PACRG: variants seen among roughly 807,000 people sequenced by gnomAD.
The protein encoded by PACRG is parkin coregulated gene protein.
A neutral mutation model predicts 29.7 loss-of-function variants in PACRG; 29 were observed. That is an observed-to-expected ratio of 0.98 (90% confidence interval 0.73 to 1.33). The LOEUF is 1.33. PACRG is among the 40% of genes most tolerant of loss of function. The probability of loss-of-function intolerance (pLI) is 0.00; values close to 1 mark genes in which losing one functional copy is unlikely to be tolerated. For missense variants in PACRG, 279 were observed against 316.2 expected (o/e 0.88, Z 0.89); for synonymous variants, 116 against 118.7 (o/e 0.98, Z 0.15).
chr6:162,930,840 G>T (rs1440111308), intron 2 of PACRG, among the ~76,000 whole-genome samples: 1 of 151,510 alleles, frequency 6.6e-6, no homozygotes, highest in Non-Finnish European at 1.5e-5. Context: ...TATCTACATG[G>T]TTTTTTTCTT....
chr6:163,050,829 G>A (rs1809925765), intron 2 of PACRG, among the ~76,000 whole-genome samples: 1 of 151,998 alleles, frequency 6.6e-6, no homozygotes, highest in African/African-American at 2.4e-5. Flanking sequence ...CCTTGACTTT[G>A]GAGTTTCATA....
At chr6:163,202,699 C>T (rs1264053537) in intron 4 of PACRG, among the ~76,000 whole-genome samples, 1 of 152,156 alleles carries the variant, frequency 6.6e-6, no homozygotes, top group African/African-American at 2.4e-5. Context: ...TGGATTGATT[C>T]CTTGCTTGCA....
chr6:162,899,477 C>T (rs1436216883), intron 2 of PACRG, among the ~76,000 whole-genome samples: 3 of 152,138 alleles, frequency 2.0e-5, no homozygotes, highest in Non-Finnish European at 4.4e-5. Context: ...CGTGCCGGAC[C>T]TTCTGAGTGA....
At chr6:163,276,576 C>G (rs984964608) in intron 4 of PACRG, among the ~76,000 whole-genome samples, 5 of 152,176 alleles carry the variant, frequency 3.3e-5, no homozygotes, top group South Asian at 4.2e-4. Flanking sequence ...TGTGGGTTGC[C>G]GTGGTCGGAA....
chr6:162,954,787 C>A (rs1799900155), intron 2 of PACRG, among the ~76,000 whole-genome samples: 1 of 152,122 alleles, frequency 6.6e-6, no homozygotes, highest in South Asian at 2.1e-4. Context: ...AGTGTTATAG[C>A]AAGTGTATTT....
chr6:162,979,880 C>G (rs1802262724), intron 2 of PACRG, among the ~76,000 whole-genome samples: 1 of 151,816 alleles, frequency 6.6e-6, no homozygotes, highest in South Asian at 2.1e-4. Context: ...AAAATAAATT[C>G]ACAGGTATTA....
intron 2 of PACRG, among the ~76,000 whole-genome samples, chr6:163,025,355 G>A (rs1807025036): frequency 6.6e-6 from 1 of 152,136 alleles, no homozygotes. Flanking sequence ...TCTGCTAAAA[G>A]GCCCCTAGAA....
intron 2 of PACRG, among the ~76,000 whole-genome samples, chr6:163,017,928 G>A (rs1029004793): frequency 5.9e-5 from 9 of 152,038 alleles, no homozygotes; most frequent in African/African-American, 1.9e-4. Flanking sequence ...GTATGAGTAA[G>A]ACTCAAATTC....
At chr6:163,037,706 G>A (rs1203863386) in intron 2 of PACRG, among the ~76,000 whole-genome samples, 4 of 152,156 alleles carry the variant, frequency 2.6e-5, no homozygotes, top group African/African-American at 7.2e-5. Context: ...AGTCGTCTCC[G>A]GTTACCTACA....
intron 2 of PACRG, among the ~76,000 whole-genome samples, chr6:162,986,079 G>T (rs540576641): frequency 4.9e-4 from 74 of 152,174 alleles, no homozygotes; most frequent in African/African-American, 1.4e-3. Flanking sequence ...CAAGCAAATG[G>T]AAACACATCC....
At chr6:163,239,992 A>C in intron 4 of PACRG, among the ~76,000 whole-genome samples, 4 of 131,814 alleles carry the variant, frequency 3.0e-5, no homozygotes, top group Admixed American at 7.7e-5. Context: ...ATACACACAC[A>C]CTCACACCCC....
At chr6:162,818,158 C>T (rs1787520770) in intron 2 of PACRG, among the ~76,000 whole-genome samples, 1 of 152,052 alleles carries the variant, frequency 6.6e-6, no homozygotes, top group Non-Finnish European at 1.5e-5. Flanking sequence ...TTCCTTGACC[C>T]CTCTAACATT....
chr6:162,732,317 A>T (rs2128249229), intron 1 of PACRG, among the ~76,000 whole-genome samples: 1 of 152,276 alleles, frequency 6.6e-6, no homozygotes, highest in East Asian at 1.9e-4. Context: ...AGCAATCTGC[A>T]AGAATGAGGC....
intron 2 of PACRG, among the ~76,000 whole-genome samples, chr6:162,945,469 G>A (rs189615613): frequency 4.6e-5 from 7 of 152,148 alleles, no homozygotes; most frequent in Admixed American, 3.3e-4. Context: ...TTAAACATAT[G>A]TGCACCCACC....
intron 2 of PACRG, among the ~76,000 whole-genome samples, chr6:162,836,436 A>C (rs967349199): frequency 4.6e-5 from 7 of 152,024 alleles, no homozygotes; most frequent in African/African-American, 1.7e-4. Flanking sequence ...AGGTAGGAAC[A>C]CCTATCTGAA....
chr6:162,810,457 A>G (rs1786757222), intron 1 of PACRG, among the ~76,000 whole-genome samples: 1 of 152,220 alleles, frequency 6.6e-6, no homozygotes, highest in South Asian at 2.1e-4. Flanking sequence ...TATAATCAAC[A>G]GGTGCCAACA....
intron 2 of PACRG, chr6:162,892,108 GTTGTTA>G (rs1478677458): frequency 6.6e-6 from 1 of 152,306 alleles, no homozygotes; most frequent in Non-Finnish European, 1.5e-5. Flanking sequence ...TCCAGGCTAT[GTTGTTA>G]CTGTCCCAGT....
In PACRG at chr6:163,247,174, A is replaced by G. The variant is rs1227014372; in HGVS notation, c.614-67653A>G. On this transcript the variant is annotated intron_variant, in intron 4 of 4. Coordinates refer to ENST00000366888, the MANE Select transcript of PACRG (RefSeq NM_001080379.2). ...AGAAGGTTTACCTAATAACATAACC[A>G]GCATTTTTTATTGCTAAGAATTAAA... 2.6e-5 allele frequency among the ~76,000 whole-genome samples: 4 copies of G among 152,236 alleles called. No individual in the cohort carries two copies. In the East Asian group the frequency reaches 7.7e-4, roughly 29 times the overall value.
chr6:163,071,262 G>A (rs1812024870), intron 3 of PACRG, among the ~76,000 whole-genome samples: 1 of 456 alleles, frequency 2.2e-3, no homozygotes, highest in Non-Finnish European at 4.3e-3. Flanking sequence ...CTCAACATGT[G>A]GATCATCTCA....
Sources: gnomAD v4.1 joint callset for allele counts (sites outside exome capture counted in the v4.1 genomes callset) on GRCh38, gnomAD v4.1.1 for gene constraint, MANE v1.5 for transcripts, NCBI Gene and HGNC (gene_info 2026-07-23, HGNC 2026-07-21) for gene names.